The following CPSF2 variants were observed in gnomAD, a reference collection of about 807,000 sequenced individuals.
The protein encoded by CPSF2 is cleavage and polyadenylation specific factor 2.
Under a neutral mutation model 84.2 loss-of-function variants are expected in CPSF2, and 51 were observed. The ratio of observed to expected loss-of-function variants is 0.61; its 90% CI spans 0.48 to 0.77. The LOEUF (loss-of-function observed/expected upper bound fraction) is 0.77. Ranked by LOEUF, CPSF2 falls within the 30% of genes least tolerant of loss-of-function variation. The pLI is 0.00. For missense variants in CPSF2, 641 were observed against 929.4 expected (o/e 0.69, Z 4.03); for synonymous variants, 286 against 311.9 (o/e 0.92, Z 0.87).
Position 92,159,107 on chromosome 14 carries a change from A to C in CPSF2, c.1946A>C (p.Glu649Ala). 1.9e-6 allele frequency: 3 copies of C among 1,614,100 alleles called. No homozygotes were observed. The highest frequency in any genetic ancestry group is 1.3e-5 in the African/African-American group (1 of 75,024). The change falls in exon 14 of 16, where the codon GAA becomes GCA. Residue 649 changes from glutamate (E) to alanine (A), a missense_variant. Glu to Ala is a moderately radical substitution (Grantham distance 107). Transcript: ENST00000298875. ...VSKVDTGVILEEGELKDDGED... is the reference protein window; with the variant it reads ...VSKVDTGVILAEGELKDDGED... ...AAAGTGGACACAGGGGTTATTTTAG[A>C]AGAAGGAGAACTAAAGGATGATGGA... is the stretch of plus-strand genomic sequence containing the variant.
intron 14 of CPSF2, among the ~76,000 whole-genome samples, chr14:92,159,647 A>G (rs1264449860): frequency 6.6e-6 from 1 of 152,192 alleles, no homozygotes; most frequent in Non-Finnish European, 1.5e-5. Context: ...CAATTGTGCC[A>G]CTGCATCTAG....
At chr14:92,153,746 C>G (rs1287926832) in intron 9 of CPSF2, among the ~76,000 whole-genome samples, 1 of 150,720 alleles carries the variant, frequency 6.6e-6, no homozygotes, top group Non-Finnish European at 1.5e-5. Flanking sequence ...CTTTGTCACC[C>G]AGGCTGGAGT....
intron 1 of CPSF2, among the ~76,000 whole-genome samples, chr14:92,124,834 ATTCACCCG>A: frequency 6.6e-6 from 1 of 152,310 alleles, no homozygotes; most frequent in South Asian, 2.1e-4. Context: ...ATTCATTAAA[ATTCACCCG>A]TTTCTTTTTC....
At chr14:92,150,437 GTT>G (rs1034671099) in intron 9 of CPSF2, among the ~76,000 whole-genome samples, 1 of 142,982 alleles carries the variant, frequency 7.0e-6, no homozygotes, top group Non-Finnish European at 1.5e-5. Context: ...TTGTGTGTGT[GTT>G]TTTTTTTTTT....
At chr14:92,138,728 C>T (rs774015486) in intron 7 of CPSF2, among the ~76,000 whole-genome samples, 1 of 152,202 alleles carries the variant, frequency 6.6e-6, no homozygotes, top group Non-Finnish European at 1.5e-5. Context: ...CCACGCCCGG[C>T]CACAAGTATA....
At position 92,159,027 on chromosome 14, in the gene CPSF2, G is replaced by A. The variant is rs1383114765; in HGVS notation, c.1866G>A (p.Lys622=). 1 of 1,614,028 alleles carries A rather than the reference G, an allele frequency of 6.2e-7. No individual in the cohort carries two copies. The highest frequency in any genetic ancestry group is 8.5e-7 in the Non-Finnish European group (1 of 1,179,970). ...DSLVSSLQFC[K]AKDAELAWID... ...TTGTCAGCTCTCTTCAGTTTTGTAA[G>A]GCAAAAGATGCTGAATTAGCTTGGA... The change falls in exon 14 of 16, where the codon AAG becomes AAA. Residue 622 remains lysine, a synonymous_variant. Transcript: ENST00000298875.
chr14:92,157,766 C>T lies in CPSF2; in HGVS notation c.1703C>T (p.Pro568Leu). 6.2e-7 allele frequency: 1 copy of T among 1,613,906 alleles called. No individual in the cohort carries two copies. The highest frequency in any genetic ancestry group is 8.5e-7 in the Non-Finnish European group (1 of 1,179,852). ...CAGTTGATCATCGTCCATGGCCCAC[C>T]AGAGGCCAGTCAAGATCTGGCAGAG... ...PRQLIIVHGP[P>L]EASQDLAECC... Residue 568 changes from proline to leucine, a missense_variant, in exon 13 of 16, where the codon CCA becomes CTA. By Grantham distance (98) the Pro-to-Leu change is moderately conservative. This residue lies in a region of CPSF2 where 430 missense variants were observed against 553.6 expected (regional missense o/e 0.78). Coordinates refer to ENST00000298875, the MANE Select transcript of CPSF2 (RefSeq NM_017437.3). This position sits in a 1 kb window ranked among gnomAD's most constrained non-coding sequence, Gnocchi z 4.0.
chr14:92,137,279 G>C (rs561321138), intron 6 of CPSF2, among the ~76,000 whole-genome samples: 2 of 152,042 alleles, frequency 1.3e-5, no homozygotes, highest in African/African-American at 4.8e-5. Flanking sequence ...GCACAATCAC[G>C]GCTCACTGTA....
At position 92,171,262 on chromosome 14, in the gene CPSF2, A is replaced by C. The variant is rs921552384; in HGVS notation, c.*9518A>C. ...CCCTCAGCTTTTGGAGTTAGCTGGG[A>C]CTACAGGCATGCATCACCACACCCA... On this transcript the variant is annotated 3_prime_UTR_variant, in exon 16 of 16. Coordinates refer to ENST00000298875, the MANE Select transcript of CPSF2 (RefSeq NM_017437.3). 1.3e-5 allele frequency: 2 copies of C among 152,174 alleles called. No homozygotes were observed. The highest frequency in any genetic ancestry group is 2.9e-5 in the Non-Finnish European group (2 of 68,042). The allele number at this position is 152,174 out of a possible 1,614,324, so 9.4% of individuals were successfully genotyped here.
rs1194011892 is a variant in CPSF2, at chr14:92,165,098, G to A, written c.*3354G>A. 1.3e-5 allele frequency: 2 copies of A among 152,194 alleles called. No individual in the cohort carries two copies. Among genetic ancestry groups the A allele is most frequent in the African/African-American group, 4.8e-5 (2 of 41,440 alleles). The allele number at this position is 152,194 out of a possible 1,614,324, so 9.4% of individuals were successfully genotyped here. On this transcript the variant is annotated 3_prime_UTR_variant, in exon 16 of 16. Coordinates refer to ENST00000298875, the MANE Select transcript of CPSF2 (RefSeq NM_017437.3). ...TCAGAGTGCATCACTGTTGTAACAT[G>A]TATCAGTACCCTTTTTGTGACTGAA...
At position 92,161,758 on chromosome 14, in the gene CPSF2, A is replaced by G; in HGVS notation, c.*14A>G. ...GCCATTGTATAAAGGACATGATGTC[A>G]AGAAGTATCTGCTTGACCTTTCTAA... On this transcript the variant is annotated 3_prime_UTR_variant, in exon 16 of 16. Coordinates refer to ENST00000298875, the MANE Select transcript of CPSF2 (RefSeq NM_017437.3). 1 of 1,404,338 alleles carries G rather than the reference A, an allele frequency of 7.1e-7. No individual in the cohort carries two copies. The highest frequency in any genetic ancestry group is 9.8e-7 in the Non-Finnish European group (1 of 1,020,804). The allele number at this position is 1,404,338 out of a possible 1,614,324, so 87.0% of individuals were successfully genotyped here. A position where few individuals can be genotyped will look rare whatever the true frequency, so the allele number is the denominator to read the frequency against.
At chr14:92,148,937 TACAA>T (rs915395112) in intron 9 of CPSF2, among the ~76,000 whole-genome samples, 5 of 152,158 alleles carry the variant, frequency 3.3e-5, no homozygotes, top group Non-Finnish European at 7.3e-5. Flanking sequence ...CCTGGTATAT[TACAA>T]ACATTTAAAT....
intron 5 of CPSF2, among the ~76,000 whole-genome samples, chr14:92,135,158 A>T (rs1355383710): frequency 6.6e-6 from 1 of 152,230 alleles, no homozygotes; most frequent in East Asian, 1.9e-4. Context: ...ATTACATAAT[A>T]TAGTAACAAG....
In CPSF2 at chr14:92,143,356, A is replaced by G. The variant is rs930508522; in HGVS notation, c.1140+62A>G. 3.1e-5 allele frequency: 34 copies of G among 1,101,994 alleles called. No homozygotes were observed. In the African/African-American group the frequency reaches 5.2e-4, roughly 17 times the overall value. The allele number at this position is 1,101,994 out of a possible 1,614,324, so 68.3% of individuals were successfully genotyped here. ...TTGGGGGATACATTGTGCATGATGT[A>G]AAAAAATAGTGACCAAAAATAAAAC... On this transcript the variant is annotated intron_variant, in intron 9 of 15. Coordinates refer to ENST00000298875, the MANE Select transcript of CPSF2 (RefSeq NM_017437.3).
In CPSF2 at chr14:92,159,241, A is replaced by T. The variant is rs756921223; in HGVS notation, c.2080A>T (p.Ser694Cys). 15 of 1,611,686 alleles carry T rather than the reference A, an allele frequency of 9.3e-6. No homozygotes were observed. The Admixed American group carries it at 2.3e-4, about 25-fold the overall frequency. ...GDDEKETGEE[S>C]EIIPTLEPLP... Reference sequence around the variant, plus strand: ...TGATGAAAAAGAAACAGGTGAAGAAAGTGAGATCATTCCTACTTTGGAACC... The same window carrying T: ...TGATGAAAAAGAAACAGGTGAAGAATGTGAGATCATTCCTACTTTGGAACC... Residue 694 changes from serine to cysteine, a missense_variant, in exon 14 of 16, where the codon AGT becomes TGT. By Grantham distance (112) the Ser-to-Cys change is moderately radical. Around this residue, in one of 2 missense-constraint regions of CPSF2, gnomAD observed 430 missense variants for 553.6 expected, o/e 0.78. Transcript: ENST00000298875.
chr14:92,162,723 G>A lies in CPSF2; in HGVS notation c.*979G>A, dbSNP rs190378180. 23 of 152,252 alleles carry A rather than the reference G, an allele frequency of 1.5e-4. 1 individual carries two copies. The highest frequency in any genetic ancestry group is 5.2e-4 in the Admixed American group (8 of 15,270). The allele number at this position is 152,252 out of a possible 1,614,324, so 9.4% of individuals were successfully genotyped here. A position where few individuals can be genotyped will look rare whatever the true frequency, so the allele number is the denominator to read the frequency against. Reference sequence around the variant, plus strand: ...ATAAGGTTATCCTTTCTGTATTTGCGTCTTTCTTGTGACTAACCACCCTGA... The same window carrying A: ...ATAAGGTTATCCTTTCTGTATTTGCATCTTTCTTGTGACTAACCACCCTGA... On this transcript the variant is annotated 3_prime_UTR_variant, in exon 16 of 16. Transcript: ENST00000298875.
Position 92,143,112 on chromosome 14 carries a change from G to A in CPSF2, c.958G>A (p.Val320Ile). The A allele has an allele frequency of 6.2e-7, 1 of 1,614,076 alleles. No homozygotes were observed. The highest frequency in any genetic ancestry group is 8.5e-7 in the Non-Finnish European group (1 of 1,180,030). Residue 320 changes from valine (V) to isoleucine (I), a missense_variant, in exon 9 of 16, where the codon GTA becomes ATA. Val to Ile is a conservative substitution (Grantham distance 29). Transcript: ENST00000298875. ...TCATGGTCTTTCTGACTTGGCCCGT[G>A]TACCTAGCCCTAAAGTTGTACTTGC... is the stretch of plus-strand genomic sequence containing the variant. The part of the protein sequence containing the change: ...LCHGLSDLAR[V>I]PSPKVVLASQ...
Position 92,138,277 on chromosome 14 carries a change from A to G in CPSF2, c.591A>G (p.Leu197=), listed in dbSNP as rs776243992. ...TGGAAATGCTAAGCAGGCCTTCCCTACTTATCACAGATTCATTCAATGCTA... is the reference window on the plus strand; with the variant it reads ...TGGAAATGCTAAGCAGGCCTTCCCTGCTTATCACAGATTCATTCAATGCTA... ...CSLEMLSRPS[L]LITDSFNATY... The change falls in exon 7 of 16, where the codon CTA becomes CTG. Residue 197 remains leucine (L), a synonymous_variant. Transcript: ENST00000298875. 8.7e-6 allele frequency: 14 copies of G among 1,608,200 alleles called. No individual in the cohort carries two copies. Among genetic ancestry groups the G allele is most frequent in the Non-Finnish European group, 8.5e-6 (10 of 1,177,690 alleles).
At chr14:92,150,462 C>CT (rs2069200587) in intron 9 of CPSF2, among the ~76,000 whole-genome samples, 1 of 151,462 alleles carries the variant, frequency 6.6e-6, no homozygotes, top group African/African-American at 2.4e-5. Context: ...GTTTGGGTCT[C>CT]TGTTGCCCAG....
Sources: allele counts gnomAD v4.1 joint callset (sites outside exome capture counted in the v4.1 genomes callset), GRCh38; gene constraint gnomAD v4.1.1; regional missense constraint gnomAD v4.1.1; non-coding constraint Gnocchi (gnomAD v3.1); transcripts MANE v1.5; gene names NCBI Gene and HGNC (gene_info 2026-07-23, HGNC 2026-07-21).